Variants in SEZ6L observed in about 807,000 individuals in gnomAD.
SEZ6L encodes seizure 6-like protein.
A neutral mutation model predicts 106.2 loss-of-function variants in SEZ6L; 37 were observed. That is an observed-to-expected ratio of 0.35 (90% CI 0.27 to 0.46). The LOEUF is 0.46. Among genes scored for constraint, SEZ6L ranks in the 20% least tolerant of loss-of-function variants. The pLI is 1.00. For synonymous variants in SEZ6L, 541 were observed against 570.4 expected, an observed-to-expected ratio of 0.95 and a Z score of 0.73; for missense variants, 1,172 against 1,332.8, an observed-to-expected ratio of 0.88 and a Z score of 1.88.
intron 5 of SEZ6L, 30 bp from the exon 6 acceptor site, chr22:26,305,949 C>T: frequency 6.5e-7 from 1 of 1,546,414 alleles, no homozygotes; most frequent in Non-Finnish European, 8.9e-7. Flanking sequence ...CTGCTCTCTC[C>T]CATTGCCCAC....
chr22:26,297,775 TTTC>T (rs961774518), intron 4 of SEZ6L, among the ~76,000 whole-genome samples: 3 of 151,808 alleles, frequency 2.0e-5, no homozygotes, highest in Non-Finnish European at 4.4e-5. Flanking sequence ...GCTTGTTTTA[TTTC>T]TTCATTTCCT....
intron 13 of SEZ6L, among the ~76,000 whole-genome samples, chr22:26,369,868 C>T (rs2083966149): frequency 6.6e-6 from 1 of 152,086 alleles, no homozygotes. Context: ...CTGTCCACCT[C>T]AGCCTCCCAA....
At chr22:26,351,378 A>C (rs1486494290) in intron 12 of SEZ6L, 135 bp downstream of exon 12, 4 of 671,632 alleles carry the variant, frequency 6.0e-6, no homozygotes, top group African/African-American at 3.6e-5. Flanking sequence ...ACTATGACAA[A>C]ACAGTACCTA....
In SEZ6L at chr22:26,323,127, C is replaced by T. The variant is rs182273185; in HGVS notation, c.2015+9225C>T. Among the ~76,000 whole-genome samples, 137 of 152,256 alleles carry T rather than the reference C, an allele frequency of 9.0e-4. 2 individuals are homozygous for T. Among genetic ancestry groups the T allele is most frequent in the Non-Finnish European group, 1.0e-4 (7 of 68,012 alleles). Reference sequence around the variant, plus strand: ...GGCCACAAGAGCTCAGCACGGGGGCCACAACCTTGAAGATGCCTTGCAGCC... The same window carrying T: ...GGCCACAAGAGCTCAGCACGGGGGCTACAACCTTGAAGATGCCTTGCAGCC... On this transcript the variant is annotated intron_variant, in intron 9 of 16. Transcript: ENST00000248933.
chr22:26,189,951 G>A (rs1246967126), intron 1 of SEZ6L, among the ~76,000 whole-genome samples: 2 of 152,034 alleles, frequency 1.3e-5, no homozygotes, highest in Non-Finnish European at 2.9e-5. Context: ...CAAAAAATTA[G>A]CTGGGCGTGG....
chr22:26,319,711 T>G (rs1569461392), intron 9 of SEZ6L, among the ~76,000 whole-genome samples: 1 of 152,198 alleles, frequency 6.6e-6, no homozygotes, highest in Non-Finnish European at 1.5e-5. Context: ...CTTGAAGTAT[T>G]TCAACTCCCA....
rs482902 is a variant in SEZ6L at position 26,381,829 on chromosome 22, A to T, written c.*1534A>T. 242,044 of 334,830 alleles carry T rather than the reference A, an allele frequency of 0.72. 88,624 individuals carry two copies. The highest frequency in any genetic ancestry group is 0.98 in the East Asian group (12,603 of 12,802). The allele number at this position is 334,830 out of a possible 1,614,324, so 20.7% of individuals were successfully genotyped here. A position where few individuals can be genotyped will look rare whatever the true frequency, so the allele number is the denominator to read the frequency against. On this transcript the variant is annotated 3_prime_UTR_variant, in exon 17 of 17. Coordinates refer to ENST00000248933, the MANE Select transcript of SEZ6L (RefSeq NM_021115.5). ...CAATGGCTTGGACAGACAGACGGGCACAGTGGCATTTGGAACCCTCTTTGG... is the reference window on the plus strand; with the variant it reads ...CAATGGCTTGGACAGACAGACGGGCTCAGTGGCATTTGGAACCCTCTTTGG...
intron 6 of SEZ6L, among the ~76,000 whole-genome samples, chr22:26,306,838 T>A (rs1601448811): frequency 6.6e-6 from 1 of 152,256 alleles, no homozygotes; most frequent in Non-Finnish European, 1.5e-5. Context: ...GGTCTTGTTC[T>A]AGAATATTCT....
At position 26,310,827 on chromosome 22, in the gene SEZ6L, C is replaced by T. The variant is rs1286770959; in HGVS notation, c.1672C>T (p.Arg558Ter). Residue 558 changes from arginine to a stop codon, truncating the protein, a stop_gained, in exon 7 of 17, where the codon CGA becomes TGA. Transcript: ENST00000248933. LOFTEE classifies it high-confidence loss of function. ...QARAASTFNI[R>*]FEAFEKGHCY... ...CCGGGCGGCCTCCACCTTCAACATC[C>T]GATTTGAAGGTGAGGGTCCCTGGGA... 1.2e-6 allele frequency: 2 copies of T among 1,613,852 alleles called. No homozygotes were observed. The highest frequency in any genetic ancestry group is 1.7e-5 in the Admixed American group (1 of 60,026).
chr22:26,299,774 C>A (rs1336265202), intron 5 of SEZ6L, among the ~76,000 whole-genome samples: 1 of 152,192 alleles, frequency 6.6e-6, no homozygotes, highest in Non-Finnish European at 1.5e-5. Context: ...ATGAACAATG[C>A]TGCTGTGAAC....
At chr22:26,375,525 T>C (rs2084191181) in intron 14 of SEZ6L, 50 bp from the exon 15 acceptor site, 3 of 1,494,564 alleles carry the variant, frequency 2.0e-6, no homozygotes, top group Non-Finnish European at 2.8e-6. Flanking sequence ...GGGCACTCAC[T>C]GGGAGTCAGC....
chr22:26,205,628 C>G (rs756173370), intron 1 of SEZ6L, among the ~76,000 whole-genome samples: 3 of 151,872 alleles, frequency 2.0e-5, no homozygotes, highest in African/African-American at 7.3e-5. Context: ...ATCTTAACCT[C>G]TCCGCAGCAA....
chr22:26,238,814 T>C (rs943153995), intron 1 of SEZ6L, among the ~76,000 whole-genome samples: 4 of 152,192 alleles, frequency 2.6e-5, no homozygotes, highest in African/African-American at 9.7e-5. Flanking sequence ...TTCAAACCAG[T>C]TCCTTCCAAC....
At chr22:26,170,632 G>A (rs928429149) in intron 1 of SEZ6L, among the ~76,000 whole-genome samples, 7 of 152,056 alleles carry the variant, frequency 4.6e-5, no homozygotes, top group African/African-American at 1.4e-4. Flanking sequence ...GTTATGGGTG[G>A]GGGAGAGGGC....
intron 9 of SEZ6L, among the ~76,000 whole-genome samples, chr22:26,319,245 G>T (rs2082087550): frequency 6.6e-6 from 1 of 152,114 alleles, no homozygotes. Flanking sequence ...CACCTGCAGG[G>T]TCCACGCCAC....
chr22:26,324,969 G>T (rs138669941), intron 9 of SEZ6L, among the ~76,000 whole-genome samples: 1 of 152,214 alleles, frequency 6.6e-6, no homozygotes, highest in East Asian at 1.9e-4. Context: ...TGGGTCTATG[G>T]GCAGCCACTG....
intron 1 of SEZ6L, among the ~76,000 whole-genome samples, chr22:26,181,358 G>A (rs1382233192): frequency 1.3e-5 from 2 of 152,156 alleles, no homozygotes; most frequent in Non-Finnish European, 2.9e-5. Flanking sequence ...TTTAAAGCAG[G>A]TTTAACAGAG....
Position 26,340,479 on chromosome 22 carries a change from G to C in SEZ6L, c.2059G>C (p.Asp687His), listed in dbSNP as rs201856091. The change falls in exon 10 of 17, where the codon GAC becomes CAC. Residue 687 changes from aspartate (D) to histidine (H), a missense_variant. This residue lies in a region of SEZ6L where 534 missense variants were observed against 691.0 expected (regional missense o/e 0.77). Transcript: ENST00000248933. ...TGACATCTTGACCATCTACGATGGC[G>C]ACGAGGTCATGCCCCACATCTTGGG... ...NSDILTIYDG[D>H]EVMPHILGQY... The C allele has an allele frequency of 3.1e-6, 5 of 1,614,000 alleles. No homozygotes were observed. The Admixed American group carries it at 8.3e-5, about 27-fold the overall frequency.
Position 26,316,871 on chromosome 22 carries a change from GGAAA to G in SEZ6L, c.2015+2988_2015+2991del, listed in dbSNP as rs142661944. Among the ~76,000 whole-genome samples, 461 of 116,768 alleles carry G rather than the reference GGAAA, an allele frequency of 3.9e-3. 2 individuals carry two copies. Among genetic ancestry groups the G allele is most frequent in the East Asian group, 0.01 (45 of 4,412 alleles). 76.6% of individuals were successfully genotyped at this position (116,768 alleles called of 152,430 possible). On this transcript the variant is annotated intron_variant, in intron 9 of 16. Transcript: ENST00000248933. ...AGAAAGAGAGAGAGAGAAAGAAGAAGGAAAGAAAGAAAGAAAGAAAGAGAAAGAA... is the reference window on the plus strand; with the variant it reads ...AGAAAGAGAGAGAGAGAAAGAAGAAGGAAAGAAAGAAAGAAAGAGAAAGAA...
Sources: gnomAD v4.1 joint callset for allele counts (sites outside exome capture counted in the v4.1 genomes callset) on GRCh38, gnomAD v4.1.1 for gene constraint, gnomAD v4.1.1 regional missense constraint, MANE v1.5 for transcripts, NCBI Gene and HGNC (gene_info 2026-07-23, HGNC 2026-07-21) for gene names.